The following CLDN14 variants were observed in gnomAD, a reference collection of about 807,000 sequenced individuals.
CLDN14 encodes the protein claudin-14.
CLDN14 carries 2 observed loss-of-function variants against 2.1 expected under a neutral mutation model. The ratio of observed to expected loss-of-function variants is 0.96; its 90% CI spans 0.39 to 3.01. The LOEUF is 3.01. Among genes scored for constraint, CLDN14 ranks in the 30% most tolerant of loss-of-function variants. The pLI is 0.09. For missense variants in CLDN14, 298 were observed against 328.0 expected (o/e 0.91, Z 0.71); for synonymous variants, 136 against 154.4 (o/e 0.88, Z 0.88).
intron 2 of CLDN14, among the ~76,000 whole-genome samples, chr21:36,502,867 G>A (rs983906457): frequency 7.2e-5 from 11 of 152,186 alleles, no homozygotes; most frequent in Admixed American, 3.3e-4. Context: ...GAAGGAAAAT[G>A]TTCTCAACCC....
At chr21:36,464,277 G>A (rs1055678744) in intron 1 of CLDN14, among the ~76,000 whole-genome samples, 1 of 152,150 alleles carries the variant, frequency 6.6e-6, no homozygotes, top group Admixed American at 6.5e-5. Context: ...TTCCTGTACA[G>A]CTTGTGAGAG....
At chr21:36,491,525 A>C (rs2086964591) in intron 2 of CLDN14, among the ~76,000 whole-genome samples, 1 of 152,236 alleles carries the variant, frequency 6.6e-6, no homozygotes, top group Admixed American at 6.5e-5. Flanking sequence ...GGCTTCATGG[A>C]AATTTATGTT....
chr21:36,476,395 C>G (rs2086779822), intron 1 of CLDN14, among the ~76,000 whole-genome samples: 1 of 152,112 alleles, frequency 6.6e-6, no homozygotes, highest in African/African-American at 2.4e-5. Flanking sequence ...CTGAGCCTCC[C>G]TCATTGTTAA....
chr21:36,550,642 G>C (rs2087557371), intron 1 of CLDN14, among the ~76,000 whole-genome samples: 1 of 152,098 alleles, frequency 6.6e-6, no homozygotes, highest in Admixed American at 6.6e-5. Flanking sequence ...TCCCCTCCCA[G>C]TTCCCATCTT....
At chr21:36,485,508 C>T (rs968666143) in intron 2 of CLDN14, among the ~76,000 whole-genome samples, 1 of 152,154 alleles carries the variant, frequency 6.6e-6, no homozygotes, top group Non-Finnish European at 1.5e-5. Context: ...TGTGCCTGGC[C>T]AAGGCTCTGA....
chr21:36,516,350 G>C (rs116819793), intron 1 of CLDN14, among the ~76,000 whole-genome samples: 1 of 151,522 alleles, frequency 6.6e-6, no homozygotes, highest in South Asian at 2.1e-4. Flanking sequence ...TTATTGTAAA[G>C]TTTTGATGCT....
chr21:36,524,401 C>T (rs1460528768), intron 1 of CLDN14, among the ~76,000 whole-genome samples: 1 of 152,216 alleles, frequency 6.6e-6, no homozygotes. Flanking sequence ...GGATAACAGG[C>T]ATGAGCCACG....
chr21:36,525,133 A>C (rs974657238), intron 1 of CLDN14, among the ~76,000 whole-genome samples: 2 of 152,198 alleles, frequency 1.3e-5, no homozygotes, highest in Admixed American at 6.5e-5. Flanking sequence ...CTCAACAAGC[A>C]GCCAGACACT....
At chr21:36,488,220 CCCTTCCTTCCTTCCTTCCTT>C (rs747508864) in intron 2 of CLDN14, among the ~76,000 whole-genome samples, 41 of 97,298 alleles carry the variant, frequency 4.2e-4, no homozygotes, top group Admixed American at 3.6e-3. Context: ...ACTGTGATTC[CCCTTCCTTCCTTCCTTCCTT>C]CCTTCCTTCC....
intron 2 of CLDN14, among the ~76,000 whole-genome samples, chr21:36,503,970 TGTA>T (rs1357156869): frequency 6.7e-6 from 1 of 150,056 alleles, no homozygotes; most frequent in Non-Finnish European, 1.5e-5. Flanking sequence ...AATTGTAAGA[TGTA>T]GTATCACTGA....
At position 36,510,713 on chromosome 21, in the gene CLDN14, C is replaced by T. The variant is rs900406541; in HGVS notation, c.-219-213G>A. On this transcript the variant is annotated intron_variant, in intron 1 of 2. Coordinates refer to the CLDN14 transcript ENST00000342108. ...AAAACATTCTGTAATGAAAATTCCC[C>T]TTGAAAGAAACTCCAAGTTGCTGTG... Among the ~76,000 whole-genome samples, 5 of 152,350 alleles carry T rather than the reference C, an allele frequency of 3.3e-5. No individual in the cohort carries two copies. The East Asian group carries it at 9.6e-4, about 29-fold the overall frequency.
In CLDN14 at chr21:36,473,766, C is replaced by T. The variant is rs115068221; in HGVS notation, c.-82+5729G>A. Among the ~76,000 whole-genome samples the T allele has an allele frequency of 6.0e-3, 916 of 152,278 alleles. 8 individuals carry two copies. Among genetic ancestry groups the T allele is most frequent in the African/African-American group, 0.019 (805 of 41,554 alleles). ...AGGGCTGATTCTAGGAACCCTCCAA[C>T]ATCAGGGGAGGGATGAGGATAGAGG... On this transcript the variant is annotated intron_variant, in intron 1 of 1. Transcript: ENST00000399135.
At chr21:36,574,255 A>G (rs1357339562) in intron 1 of CLDN14, among the ~76,000 whole-genome samples, 1 of 152,218 alleles carries the variant, frequency 6.6e-6, no homozygotes, top group Non-Finnish European at 1.5e-5. Context: ...ACCAACAAAC[A>G]CAGTCAACTG....
intron 1 of CLDN14, among the ~76,000 whole-genome samples, chr21:36,525,816 C>T (rs2835381): frequency 0.31 from 46,833 of 151,982 alleles, 7,996 homozygotes; most frequent in African/African-American, 0.45. Context: ...AGCCTTGGTA[C>T]CATCAACTAT....
At chr21:36,574,222 TTAACTA>T (rs1194824819) in intron 1 of CLDN14, among the ~76,000 whole-genome samples, 1 of 152,150 alleles carries the variant, frequency 6.6e-6, no homozygotes, top group Non-Finnish European at 1.5e-5. Flanking sequence ...ATCAACTGAA[TTAACTA>T]AAGAGTTGCT....
Position 36,461,283 on chromosome 21 carries a change from C to T in CLDN14, c.413G>A (p.Trp138Ter), listed in dbSNP as rs151069240. ...AGLLCMVAVS[W>*]TTNDVVQNFY... ...GTTCTGCACCACGTCGTTGGTGGTC[C>T]AGGAGACGGCCACCATGCACAGGAG... is the stretch of plus-strand genomic sequence containing the variant. The change falls in exon 2 of 2, where the codon TGG becomes TAG. Residue 138 changes from tryptophan (W) to a stop codon, truncating the protein, a stop_gained. Transcript: ENST00000399135. LOFTEE classifies it high-confidence loss of function. 6.2e-7 allele frequency: 1 copy of T among 1,613,664 alleles called. No individual in the cohort carries two copies. The highest frequency in any genetic ancestry group is 1.3e-5 in the African/African-American group (1 of 74,930).
At chr21:36,550,961 C>T (rs364846) in intron 1 of CLDN14, among the ~76,000 whole-genome samples, 112,395 of 152,094 alleles carry the variant, frequency 0.74, 42,937 homozygotes, top group Non-Finnish European at 0.85. Context: ...GGCCCTACTC[C>T]AAAATGACTG....
chr21:36,573,300 CAA>C (rs373406611), intron 1 of CLDN14, among the ~76,000 whole-genome samples: 7 of 109,108 alleles, frequency 6.4e-5, no homozygotes, highest in African/African-American at 4.1e-5. Context: ...GACTCTGTCT[CAA>C]AAAAAAAAAA....
chr21:36,514,607 C>A (rs1189816282), intron 1 of CLDN14, among the ~76,000 whole-genome samples: 1 of 127,298 alleles, frequency 7.9e-6, no homozygotes, highest in Non-Finnish European at 1.7e-5. Flanking sequence ...GAAATAAAGT[C>A]TTATCGTGAG....
Sources: allele counts gnomAD v4.1 joint callset (sites outside exome capture counted in the v4.1 genomes callset), GRCh38; gene constraint gnomAD v4.1.1; transcripts MANE v1.5; gene names NCBI Gene and HGNC (gene_info 2026-07-23, HGNC 2026-07-21).